ZNF540: variants seen among roughly 807,000 people sequenced by gnomAD.
ZNF540 encodes zinc finger protein 540, also known as CTD-3064H18.6.
ZNF540 carries 3 observed loss-of-function variants against 11.8 expected under a neutral mutation model. The ratio of observed to expected loss-of-function variants is 0.25; its 90% confidence interval spans 0.12 to 0.65. The LOEUF (loss-of-function observed/expected upper bound fraction) is 0.65. Ranked by LOEUF, ZNF540 falls within the 30% of genes least tolerant of loss-of-function variation. ZNF540 has a pLI of 0.83. For synonymous variants in ZNF540, 247 were observed against 259.0 expected (o/e 0.95, Z 0.45); for missense variants, 709 against 793.1 (o/e 0.89, Z 1.27).
intron 1 of ZNF540, among the ~76,000 whole-genome samples, chr19:37,598,122 A>C (rs2044010393): frequency 6.6e-6 from 1 of 152,160 alleles, no homozygotes; most frequent in African/African-American, 2.4e-5. Context: ...GTATCCTCAT[A>C]GTGGGGATTG....
At chr19:37,565,974 A>G (rs563012057) in intron 1 of ZNF540, 2 of 1,613,812 alleles carry the variant, frequency 1.2e-6, no homozygotes, top group Admixed American at 3.3e-5. Context: ...ATAAGGCATG[A>G]CAGGTAGCTG....
intron 1 of ZNF540, among the ~76,000 whole-genome samples, chr19:37,574,232 G>A (rs138293830): frequency 5.9e-5 from 9 of 152,062 alleles, no homozygotes; most frequent in South Asian, 2.1e-4. Context: ...TATTAAAACC[G>A]CAACGTATGC....
At chr19:37,579,221 C>G (rs1568352715) in intron 1 of ZNF540, among the ~76,000 whole-genome samples, 1 of 152,246 alleles carries the variant, frequency 6.6e-6, no homozygotes, top group Non-Finnish European at 1.5e-5. Context: ...CACCTGAACT[C>G]TGGGCTAGCC....
At chr19:37,608,941 A>G (rs1248500510) in intron 4 of ZNF540, among the ~76,000 whole-genome samples, 1 of 152,032 alleles carries the variant, frequency 6.6e-6, no homozygotes, top group African/African-American at 2.4e-5. Flanking sequence ...GCGCCCGGCC[A>G]GTATTTAGAT....
At chr19:37,583,784 C>T in intron 1 of ZNF540, 1 of 522,584 alleles carries the variant, frequency 1.9e-6, no homozygotes, top group Non-Finnish European at 3.3e-6. Context: ...GAGACACTGA[C>T]AGGAAGTGAC....
In ZNF540 at chr19:37,613,250, ATAATGTAATT is replaced by A. The variant is rs2044147958; in HGVS notation, c.1975_*1del. The stretch of plus-strand genomic sequence containing the variant: ...CATCTTTATCAACATCAGAAAACTC[ATAATGTAATT>A]TAATATAAGAAAAGGTTTCCATGTC... On this transcript the variant is annotated frameshift_variant, in exon 5 of 5. Coordinates refer to ENST00000316433, the MANE Select transcript of ZNF540 (RefSeq NM_001172225.3). LOFTEE classifies it high-confidence loss of function. The A allele has an allele frequency of 6.7e-7, 1 of 1,498,704 alleles. No individual in the cohort carries two copies. The highest frequency in any genetic ancestry group is 1.5e-5 in the South Asian group (1 of 68,066). The allele number at this position is 1,498,704 out of a possible 1,614,324, so 92.8% of individuals were successfully genotyped here. A position where few individuals can be genotyped will look rare whatever the true frequency, so the allele number is the denominator to read the frequency against.
intron 3 of ZNF540, among the ~76,000 whole-genome samples, chr19:37,600,417 C>G (rs1222609877): frequency 1.3e-5 from 2 of 152,060 alleles, no homozygotes; most frequent in Non-Finnish European, 2.9e-5. Flanking sequence ...AACTTAGCAT[C>G]TAACTTTAAA....
upstream of ZNF540, among the ~76,000 whole-genome samples, chr19:37,592,536 T>C (rs1275238173): frequency 1.3e-5 from 2 of 152,096 alleles, no homozygotes; most frequent in African/African-American, 2.4e-5. Context: ...GAAGGTGATA[T>C]CCTCCACCCT....
At chr19:37,573,559 G>A (rs1343297181) in intron 1 of ZNF540, among the ~76,000 whole-genome samples, 1 of 151,592 alleles carries the variant, frequency 6.6e-6, no homozygotes, top group Non-Finnish European at 1.5e-5. Context: ...GGGTGCAGTG[G>A]TTCACAACTG....
chr19:37,565,582 C>T, intron 1 of ZNF540: 1 of 1,613,338 alleles, frequency 6.2e-7, no homozygotes, highest in East Asian at 2.2e-5. Context: ...TCCCACAATC[C>T]TTACATTCAT....
upstream of ZNF540, among the ~76,000 whole-genome samples, chr19:37,593,333 T>C (rs2043922392): frequency 6.6e-6 from 1 of 152,206 alleles, no homozygotes; most frequent in Non-Finnish European, 1.5e-5. Flanking sequence ...TTTAGCCTGC[T>C]TGAAAACATC....
intron 1 of ZNF540, among the ~76,000 whole-genome samples, chr19:37,567,160 T>C (rs1306811486): frequency 1.3e-5 from 2 of 152,230 alleles, no homozygotes; most frequent in African/African-American, 4.8e-5. Context: ...TGTACCTATA[T>C]TGCATTTTTC....
intron 1 of ZNF540, chr19:37,586,800 AACT>A: frequency 1.1e-6 from 1 of 934,764 alleles, no homozygotes; most frequent in Admixed American, 2.3e-5. Context: ...CCACAAAATA[AACT>A]ACTTAGAACT....
At chr19:37,609,866 GA>G (rs1008153290) in intron 4 of ZNF540, among the ~76,000 whole-genome samples, 4 of 148,954 alleles carry the variant, frequency 2.7e-5, no homozygotes, top group Admixed American at 6.7e-5. Context: ...AAGAAAGAAA[GA>G]AAAAAAAAGA....
intron 1 of ZNF540, among the ~76,000 whole-genome samples, chr19:37,568,290 A>G (rs16973919): frequency 0.041 from 6,140 of 150,796 alleles, 341 homozygotes; most frequent in African/African-American, 0.12. Context: ...TGAAAAGCAA[A>G]AAGAAATGAT....
chr19:37,557,471 A>G lies in ZNF540; in HGVS notation c.-73+5806A>G, dbSNP rs563880654. ...CGGAGAGCCTGAGTGAGGGCGATCA[A>G]TTCAGCTTTTTGCGCTGAGGTGTTT... On this transcript the variant is annotated intron_variant, in intron 1 of 4. Coordinates refer to the ZNF540 transcript ENST00000592533. Among the ~76,000 whole-genome samples the G allele has an allele frequency of 2.0e-5, 3 of 152,300 alleles. No homozygotes were observed. In the East Asian group the frequency reaches 5.8e-4, roughly 29 times the overall value.
At chr19:37,600,916 T>C (rs1342531631) in intron 3 of ZNF540, 94 bp from the exon 4 acceptor site, 2 of 1,056,548 alleles carry the variant, frequency 1.9e-6, no homozygotes, top group African/African-American at 3.2e-5. Flanking sequence ...ATCGAAATCA[T>C]GTTGATCCAT....
Position 37,612,493 on chromosome 19 carries a change from C to A in ZNF540, c.1213C>A (p.His405Asn). The A allele has an allele frequency of 1.2e-6, 2 of 1,614,096 alleles. No individual in the cohort carries two copies. Among genetic ancestry groups the A allele is most frequent in the Non-Finnish European group, 8.5e-7 (1 of 1,180,016 alleles). Reference protein sequence around the residue: ...RGQLNRHKTIHTGIKPFACKV... With the variant: ...RGQLNRHKTINTGIKPFACKV... ...ACAGCTTAATCGGCATAAAACAATC[C>A]ATACTGGTATAAAACCTTTTGCATG... The change falls in exon 5 of 5, where the codon CAT (histidine) becomes AAT (asparagine). Residue 405 changes from histidine to asparagine, a missense_variant. Coordinates refer to ENST00000316433, the MANE Select transcript of ZNF540 (RefSeq NM_001172225.3).
chr19:37,553,919 C>T (rs8101991), intron 1 of ZNF540, among the ~76,000 whole-genome samples: 1 of 152,102 alleles, frequency 6.6e-6, no homozygotes, highest in Non-Finnish European at 1.5e-5. Context: ...CTGTTAATTT[C>T]CATTCGTATG....
Sources: allele counts gnomAD v4.1 joint callset (sites outside exome capture counted in the v4.1 genomes callset), GRCh38; gene constraint gnomAD v4.1.1; transcripts MANE v1.5; gene names NCBI Gene and HGNC (gene_info 2026-07-23, HGNC 2026-07-21).